SEC11A: variants seen among roughly 807,000 people sequenced by gnomAD.
The protein encoded by SEC11A is signal peptidase complex catalytic subunit SEC11A.
SEC11A carries 14 observed loss-of-function variants against 25.6 expected under a neutral mutation model. That is an observed-to-expected ratio of 0.55 (90% CI 0.36 to 0.85). The LOEUF (loss-of-function observed/expected upper bound fraction) is 0.85, where lower values mean the gene tolerates loss of function less well. Ranked by LOEUF, SEC11A falls within the 40% of genes least tolerant of loss-of-function variation. The pLI is 0.01. For synonymous variants in SEC11A, 83 were observed against 76.4 expected (o/e 1.09, Z -0.45); for missense variants, 153 against 222.9 (o/e 0.69, Z 2.00).
At chr15:84,686,179 A>G (rs114787885) in intron 3 of SEC11A, among the ~76,000 whole-genome samples, 13 of 152,304 alleles carry the variant, frequency 8.5e-5, no homozygotes, top group African/African-American at 3.1e-4. Context: ...GTATTTCCAC[A>G]TACATACTGA....
chr15:84,689,653 GC>G (rs1567038510), intron 2 of SEC11A, among the ~76,000 whole-genome samples: 1 of 148,966 alleles, frequency 6.7e-6, no homozygotes, highest in Non-Finnish European at 1.5e-5. Flanking sequence ...TGTCACCCAG[GC>G]TGGAGTGCAA....
chr15:84,706,452 G>T (rs1898096286), intron 1 of SEC11A, among the ~76,000 whole-genome samples: 1 of 152,036 alleles, frequency 6.6e-6, no homozygotes, highest in Non-Finnish European at 1.5e-5. Context: ...GGGCCCCTCA[G>T]TACTCCCATC....
chr15:84,708,444 T>G (rs907305950), intron 1 of SEC11A, among the ~76,000 whole-genome samples: 3 of 152,152 alleles, frequency 2.0e-5, no homozygotes, highest in African/African-American at 7.2e-5. Flanking sequence ...CTTTATCCTC[T>G]GTGTTGGATA....
At chr15:84,713,387 A>G (rs1447540844) in intron 1 of SEC11A, among the ~76,000 whole-genome samples, 1 of 152,200 alleles carries the variant, frequency 6.6e-6, no homozygotes, top group African/African-American at 2.4e-5. Flanking sequence ...TTAGAGGAAT[A>G]AAACAAAATT....
chr15:84,675,035 T>G (rs1897099867), intron 4 of SEC11A, among the ~76,000 whole-genome samples: 1 of 152,222 alleles, frequency 6.6e-6, no homozygotes, highest in African/African-American at 2.4e-5. Flanking sequence ...TGGACAGAGA[T>G]AAGCAAAGAG....
At chr15:84,701,802 G>A (rs1398083422) in intron 1 of SEC11A, among the ~76,000 whole-genome samples, 1 of 152,186 alleles carries the variant, frequency 6.6e-6, no homozygotes. Context: ...GGGCACAGTG[G>A]CTCACACCTG....
intron 1 of SEC11A, among the ~76,000 whole-genome samples, chr15:84,711,054 A>G (rs930894523): frequency 2.7e-5 from 4 of 150,558 alleles, no homozygotes; most frequent in African/African-American, 9.8e-5. Flanking sequence ...TGCAAAACAG[A>G]GCAAGACTCC....
At chr15:84,680,667 A>C (rs745834743) in intron 4 of SEC11A, 46 bp downstream of exon 4, 5 of 1,526,840 alleles carry the variant, frequency 3.3e-6, no homozygotes, top group Non-Finnish European at 4.4e-6. Flanking sequence ...AGAGGGCCAC[A>C]CTTCAAGTGA....
chr15:84,699,839 G>A (rs1897877158), intron 1 of SEC11A, among the ~76,000 whole-genome samples: 1 of 151,936 alleles, frequency 6.6e-6, no homozygotes. Flanking sequence ...GCAATGATCA[G>A]TGCATGCATG....
At chr15:84,708,871 T>C (rs1898179223) in intron 1 of SEC11A, among the ~76,000 whole-genome samples, 2 of 152,088 alleles carry the variant, frequency 1.3e-5, no homozygotes, top group South Asian at 4.1e-4. Context: ...AGTTGGGTGA[T>C]ACTAAGAGAT....
At chr15:84,706,150 A>T (rs1252301017) in intron 1 of SEC11A, among the ~76,000 whole-genome samples, 1 of 151,924 alleles carries the variant, frequency 6.6e-6, no homozygotes, top group Non-Finnish European at 1.5e-5. Flanking sequence ...CAGGTGATCC[A>T]CCTGCCTCAG....
chr15:84,675,299 G>T (rs991618235), intron 4 of SEC11A, among the ~76,000 whole-genome samples: 1 of 152,178 alleles, frequency 6.6e-6, no homozygotes, highest in Non-Finnish European at 1.5e-5. Flanking sequence ...GGGATCAAAG[G>T]TACTGCTGAG....
intron 1 of SEC11A, among the ~76,000 whole-genome samples, chr15:84,698,436 T>C (rs1485621111): frequency 2.0e-5 from 3 of 152,128 alleles, no homozygotes; most frequent in Admixed American, 1.3e-4. Context: ...TTCTAACTCA[T>C]GAAAGGAGAA....
intron 1 of SEC11A, among the ~76,000 whole-genome samples, chr15:84,709,994 C>A (rs973120937): frequency 6.6e-6 from 1 of 151,856 alleles, no homozygotes; most frequent in Admixed American, 6.6e-5. Context: ...TCATCCATCT[C>A]GGCCTCCACC....
At chr15:84,715,258 C>A (rs2141935775) in intron 1 of SEC11A, among the ~76,000 whole-genome samples, 1 of 152,232 alleles carries the variant, frequency 6.6e-6, no homozygotes, top group East Asian at 1.9e-4. Flanking sequence ...TCTACAGACA[C>A]ACTAGGCGCA....
At chr15:84,699,008 G>A (rs1394385728) in intron 1 of SEC11A, among the ~76,000 whole-genome samples, 1 of 152,116 alleles carries the variant, frequency 6.6e-6, no homozygotes, top group Non-Finnish European at 1.5e-5. Flanking sequence ...TGCAACATAG[G>A]TGAATTTCCA....
At chr15:84,685,469 T>C (rs1244426492) in intron 3 of SEC11A, among the ~76,000 whole-genome samples, 1 of 151,094 alleles carries the variant, frequency 6.6e-6, no homozygotes, top group Non-Finnish European at 1.5e-5. Flanking sequence ...TTTCACCATC[T>C]GGTCTAGACG....
At chr15:84,677,125 A>T (rs1897155878) in intron 4 of SEC11A, among the ~76,000 whole-genome samples, 1 of 152,114 alleles carries the variant, frequency 6.6e-6, no homozygotes, top group Non-Finnish European at 1.5e-5. Context: ...TATGTACTAC[A>T]GTAACAGACT....
rs1324396049 is a variant in SEC11A, at chr15:84,694,167, C to T, written c.52-2523G>A. Among the ~76,000 whole-genome samples, 3 of 151,814 alleles carry T rather than the reference C, an allele frequency of 2.0e-5. No homozygotes were observed. The East Asian group carries it at 5.9e-4, about 30-fold the overall frequency. On this transcript the variant is annotated intron_variant, in intron 1 of 5. Transcript: ENST00000268220. ...GCCAGAAGTAGGAGACCAGCCTGGCCAACATGGCGAAACCCCATCTCTACT... is the reference window on the plus strand; with the variant it reads ...GCCAGAAGTAGGAGACCAGCCTGGCTAACATGGCGAAACCCCATCTCTACT...
Sources: gnomAD v4.1 joint callset for allele counts (sites outside exome capture counted in the v4.1 genomes callset) on GRCh38, gnomAD v4.1.1 for gene constraint, MANE v1.5 for transcripts, NCBI Gene and HGNC (gene_info 2026-07-23, HGNC 2026-07-21) for gene names.